Variants in MLKL observed in about 807,000 individuals in gnomAD.
MLKL encodes the protein mixed lineage kinase domain-like protein.
Under a neutral mutation model 56.5 loss-of-function variants are expected in MLKL, and 55 were observed. The ratio of observed to expected loss-of-function variants is 0.97; its 90% CI spans 0.78 to 1.22. MLKL has a LOEUF of 1.22. Ranked by LOEUF, MLKL falls within the 50% of genes most tolerant of loss-of-function variation. The pLI, the probability that MLKL is intolerant of heterozygous loss-of-function variation, is 0.00. For missense variants in MLKL, 694 were observed against 573.9 expected (o/e 1.21, Z -2.14); for synonymous variants, 251 against 208.3 (o/e 1.20, Z -1.76).
chr16:74,673,594 G>A (rs1567597155), intron 10 of MLKL, among the ~76,000 whole-genome samples: 1 of 152,056 alleles, frequency 6.6e-6, no homozygotes, highest in Non-Finnish European at 1.5e-5. Flanking sequence ...ATGCTTCCAG[G>A]GAGGGAGACA....
intron 10 of MLKL, among the ~76,000 whole-genome samples, 179 bp downstream of exon 10, chr16:74,674,781 A>G (rs1959480778): frequency 6.6e-6 from 1 of 151,980 alleles, no homozygotes; most frequent in African/African-American, 2.4e-5. Context: ...ACAGTAGCAC[A>G]CTCCATCCTA....
At chr16:74,694,180 T>G (rs1387228998) in intron 2 of MLKL, among the ~76,000 whole-genome samples, 1 of 152,228 alleles carries the variant, frequency 6.6e-6, no homozygotes, top group Non-Finnish European at 1.5e-5. Context: ...TATATATACT[T>G]AAATCTCCAG....
chr16:74,680,926 G>C (rs1054401002), intron 6 of MLKL, among the ~76,000 whole-genome samples: 14 of 152,122 alleles, frequency 9.2e-5, no homozygotes, highest in African/African-American at 3.4e-4. Flanking sequence ...TAATTACATT[G>C]TTTTGGTTTC....
At chr16:74,697,037 A>G (rs917320206) in intron 1 of MLKL, among the ~76,000 whole-genome samples, 15 of 147,592 alleles carry the variant, frequency 1.0e-4, no homozygotes, top group South Asian at 4.2e-4. Flanking sequence ...ATACATATAT[A>G]TAATATTACA....
At chr16:74,689,053 G>T (rs72792726) in intron 4 of MLKL, among the ~76,000 whole-genome samples, 13,848 of 152,030 alleles carry the variant, frequency 0.091, 679 homozygotes, top group Middle Eastern at 0.13. Flanking sequence ...GGTGATAGGG[G>T]TGAAAGAGGA....
rs556155196 is a variant in MLKL, at chr16:74,676,236, G to A, written c.1039-472C>T. The A allele has an allele frequency of 7.1e-6, 7 of 992,224 alleles. No homozygotes were observed. In the South Asian group the frequency reaches 2.3e-4, roughly 32 times the overall value. 61.5% of individuals were successfully genotyped at this position (992,224 alleles called of 1,614,324 possible). A position where few individuals can be genotyped will look rare whatever the true frequency, so the allele number is the denominator to read the frequency against. ...TCTGTGCTATCTGACTTTATGGGGG[G>A]TCAGCCTGATCCTTTGGCTTTGGCG... is the stretch of plus-strand genomic sequence containing the variant. On this transcript the variant is annotated intron_variant, in intron 7 of 10. Transcript: ENST00000308807.
intron 1 of MLKL, among the ~76,000 whole-genome samples, chr16:74,696,610 G>C (rs1943664953): frequency 6.7e-6 from 1 of 150,048 alleles, no homozygotes; most frequent in Admixed American, 6.7e-5. Flanking sequence ...AGCAAAGTGA[G>C]ACCCTTTCTC....
chr16:74,685,024 C>T (rs1268665971), intron 5 of MLKL, among the ~76,000 whole-genome samples: 4 of 152,076 alleles, frequency 2.6e-5, no homozygotes, highest in South Asian at 2.1e-4. Context: ...GCCACCAGAC[C>T]CAGCTAATTT....
At chr16:74,694,636 C>T in intron 2 of MLKL, among the ~76,000 whole-genome samples, 1 of 152,094 alleles carries the variant, frequency 6.6e-6, no homozygotes, top group East Asian at 1.9e-4. Flanking sequence ...GGCATTGTGG[C>T]GTGCACACCT....
chr16:74,687,949 C>T (rs917606200), intron 4 of MLKL, among the ~76,000 whole-genome samples: 2 of 152,036 alleles, frequency 1.3e-5, no homozygotes, highest in Non-Finnish European at 2.9e-5. Context: ...CCTCAGCCTC[C>T]TGAGTAGCTG....
At chr16:74,683,199 C>T (rs1394814537) in intron 5 of MLKL, among the ~76,000 whole-genome samples, 1 of 150,894 alleles carries the variant, frequency 6.6e-6, no homozygotes, top group Non-Finnish European at 1.5e-5. Flanking sequence ...ATCCCATCTA[C>T]TTGGGAGGCT....
intron 5 of MLKL, 117 bp downstream of exon 5, chr16:74,685,369 T>C: frequency 1.3e-6 from 1 of 743,114 alleles, no homozygotes; most frequent in South Asian, 1.8e-5. Flanking sequence ...TTGATAATAA[T>C]CACACTTTGT....
At position 74,692,361 on chromosome 16, in the gene MLKL, G is replaced by C. The variant is rs1451860840; in HGVS notation, c.516C>G (p.Ile172Met). 2.5e-6 allele frequency: 4 copies of C among 1,613,340 alleles called. No individual in the cohort carries two copies. In the African/African-American group the frequency reaches 4.0e-5, roughly 16 times the overall value. The change falls in exon 3 of 11, where the codon ATC (isoleucine) becomes ATG (methionine). Residue 172 changes from isoleucine to methionine, a missense_variant. Coordinates refer to ENST00000308807, the MANE Select transcript of MLKL (RefSeq NM_152649.4). ...ACTTACACTGCCTCAAAGTTTCCTT[G>C]ATTTCTTTCATGTTGATTTCTAATC... ...LRRLEINMKEIKETLRQYLPP... is the reference protein window; with the variant it reads ...LRRLEINMKEMKETLRQYLPP...
intron 1 of MLKL, among the ~76,000 whole-genome samples, chr16:74,696,365 G>A (rs1240304589): frequency 4.6e-5 from 7 of 152,136 alleles, no homozygotes; most frequent in Non-Finnish European, 1.0e-4. Flanking sequence ...TAATTCAAAT[G>A]AGTGAAGTGA....
Position 74,691,300 on chromosome 16 carries a change from T to C in MLKL, c.699A>G (p.Lys233=), listed in dbSNP as rs1960658905. ...HRAPVAIKVF[K]KLQAGSIAIV... ...ACGCAATGCTGCCAGCCTGGAGTTT[T>C]TTGAATACTTTTATGGCCACTGGAG... Residue 233 remains lysine (K), a synonymous_variant, in exon 4 of 11, where the codon AAA becomes AAG. Coordinates refer to ENST00000308807, the MANE Select transcript of MLKL (RefSeq NM_152649.4). 1 of 1,611,464 alleles carries C rather than the reference T, an allele frequency of 6.2e-7. No homozygotes were observed. Among genetic ancestry groups the C allele is most frequent in the Non-Finnish European group, 8.5e-7 (1 of 1,179,350 alleles).
Position 74,700,535 on chromosome 16 carries a change from A to G in MLKL, c.-85T>C, listed in dbSNP as rs986980823. ...TCGCTCTTCCACCTTCTTTCCCACG[A>G]CCGCCTCCTGCCCAGGCGAGAAGTT... On this transcript the variant is annotated 5_prime_UTR_variant, in exon 1 of 11. Coordinates refer to ENST00000308807, the MANE Select transcript of MLKL (RefSeq NM_152649.4). 2 of 152,846 alleles carry G rather than the reference A, an allele frequency of 1.3e-5. No homozygotes were observed. Among genetic ancestry groups the G allele is most frequent in the Admixed American group, 6.5e-5 (1 of 15,270 alleles). The allele number at this position is 152,846 out of a possible 1,614,324, so 9.5% of individuals were successfully genotyped here. A position where few individuals can be genotyped will look rare whatever the true frequency, so the allele number is the denominator to read the frequency against.
chr16:74,691,546 T>A, intron 3 of MLKL, 83 bp from the exon 4 acceptor site: 1 of 1,425,024 alleles, frequency 7.0e-7, no homozygotes, highest in Non-Finnish European at 9.5e-7. Flanking sequence ...ATATTTGTGA[T>A]GTGTGAGTGG....
chr16:74,686,493 G>A (rs945293702), intron 4 of MLKL, among the ~76,000 whole-genome samples: 1 of 152,180 alleles, frequency 6.6e-6, no homozygotes, highest in Non-Finnish European at 1.5e-5. Context: ...TGAGGCAGGA[G>A]AACGGCGTGA....
intron 5 of MLKL, among the ~76,000 whole-genome samples, chr16:74,684,647 A>G (rs1428978089): frequency 6.6e-6 from 1 of 151,084 alleles, no homozygotes; most frequent in African/African-American, 2.4e-5. Flanking sequence ...GGCATGTGCC[A>G]CCACATCCGG....
Sources: gnomAD v4.1 joint callset for allele counts (sites outside exome capture counted in the v4.1 genomes callset) on GRCh38, gnomAD v4.1.1 for gene constraint, MANE v1.5 for transcripts, NCBI Gene and HGNC (gene_info 2026-07-23, HGNC 2026-07-21) for gene names.